Variants in IL26 observed in about 807,000 individuals in gnomAD.
IL26 encodes interleukin 26.
In IL26, 23 loss-of-function variants were observed where a neutral mutation model predicts 21.7. The ratio of observed to expected loss-of-function variants is 1.06; its 90% CI spans 0.76 to 1.50. The LOEUF (loss-of-function observed/expected upper bound fraction) is 1.50, where lower values mean the gene tolerates loss of function less well. Among genes scored for constraint, IL26 ranks in the 40% most tolerant of loss-of-function variants. IL26 has a pLI of 0.00. For synonymous variants in IL26, 63 were observed against 67.8 expected (o/e 0.93, Z 0.34); for missense variants, 204 against 196.0 (o/e 1.04, Z -0.24).
At chr12:68,202,148 A>T in intron 3 of IL26, 65 bp from the exon 4 acceptor site, 1 of 1,035,368 alleles carries the variant, frequency 9.7e-7, no homozygotes, top group East Asian at 2.6e-5. Context: ...TCTTTCATTC[A>T]TTCAACAAAT....
intron 3 of IL26, among the ~76,000 whole-genome samples, chr12:68,218,650 GA>G (rs752447449): frequency 1.3e-5 from 2 of 151,820 alleles, no homozygotes; most frequent in African/African-American, 4.8e-5. Context: ...AGGAGATACA[GA>G]AAAAAGTTTT....
intron 3 of IL26, among the ~76,000 whole-genome samples, chr12:68,219,618 A>T (rs988660793): frequency 6.6e-6 from 1 of 150,566 alleles, no homozygotes; most frequent in South Asian, 2.1e-4. Context: ...CCAAATAAAG[A>T]AAAAAAAATT....
At chr12:68,202,940 G>A (rs955617273) in intron 3 of IL26, among the ~76,000 whole-genome samples, 2 of 152,168 alleles carry the variant, frequency 1.3e-5, no homozygotes, top group Non-Finnish European at 2.9e-5. Context: ...AAGCAAGCAA[G>A]CATGGCTGGA....
At chr12:68,222,405 G>A (rs532383062) in intron 3 of IL26, among the ~76,000 whole-genome samples, 61 of 152,296 alleles carry the variant, frequency 4.0e-4, no homozygotes, top group African/African-American at 1.5e-3. Context: ...TAGGCTGTGT[G>A]CCAAAATTCT....
At chr12:68,217,288 C>T (rs771547757) in intron 3 of IL26, among the ~76,000 whole-genome samples, 1 of 151,964 alleles carries the variant, frequency 6.6e-6, no homozygotes, top group Non-Finnish European at 1.5e-5. Flanking sequence ...AAGAGTGGCT[C>T]AAGAAAACGG....
At chr12:68,205,184 T>C (rs1330504561) in intron 3 of IL26, among the ~76,000 whole-genome samples, 1 of 152,196 alleles carries the variant, frequency 6.6e-6, no homozygotes, top group Non-Finnish European at 1.5e-5. Flanking sequence ...ATACTTACTA[T>C]ATGCTAAGCA....
At chr12:68,214,044 A>G (rs956771562) in intron 3 of IL26, among the ~76,000 whole-genome samples, 2 of 152,066 alleles carry the variant, frequency 1.3e-5, no homozygotes, top group African/African-American at 4.8e-5. Context: ...AGGTTTTGGT[A>G]TATTGTGTTT....
chr12:68,201,969 C>T (rs1292303429), intron 4 of IL26, 38 bp from the exon 5 acceptor site: 33 of 1,558,842 alleles, frequency 2.1e-5, no homozygotes, highest in Non-Finnish European at 2.7e-5. Context: ...ATAAATTTTT[C>T]CTATTTTAAA....
chr12:68,202,945 G>T (rs1868428812), intron 3 of IL26, among the ~76,000 whole-genome samples: 1 of 152,162 alleles, frequency 6.6e-6, no homozygotes, highest in Admixed American at 6.5e-5. Flanking sequence ...AGCAAGCATG[G>T]CTGGAGCAAT....
At chr12:68,203,077 AAGG>A (rs1425963589) in intron 3 of IL26, among the ~76,000 whole-genome samples, 1 of 152,196 alleles carries the variant, frequency 6.6e-6, no homozygotes, top group Non-Finnish European at 1.5e-5. Flanking sequence ...TGTAGACTAC[AAGG>A]AGAAGGCACC....
At position 68,210,338 on chromosome 12, in the gene IL26, C is replaced by CAAAAAAAAAAAAAAAAA. The variant is rs540693081; in HGVS notation, c.364-8272_364-8256dup. 4.1e-4 allele frequency among the ~76,000 whole-genome samples: 9 copies of CAAAAAAAAAAAAAAAAA among 22,094 alleles called. 1 individual carries two copies. Among genetic ancestry groups the CAAAAAAAAAAAAAAAAA allele is most frequent in the Non-Finnish European group, 8.1e-4 (8 of 9,866 alleles). 14.5% of individuals were successfully genotyped at this position (22,094 alleles called of 152,430 possible). ...ACTAAATAAATAAATATCAGTTTGGCAAAAAAAAAAAAAAAAAAAAAAAAA... is the reference window on the plus strand; with the variant it reads ...ACTAAATAAATAAATATCAGTTTGGCAAAAAAAAAAAAAAAAAAAAAAAAAAAAAAAAAAAAAAAAAA... On this transcript the variant is annotated intron_variant, in intron 3 of 4. Coordinates refer to ENST00000229134, the MANE Select transcript of IL26 (RefSeq NM_018402.2).
intron 3 of IL26, among the ~76,000 whole-genome samples, chr12:68,219,120 A>T (rs1347545799): frequency 2.0e-5 from 3 of 151,940 alleles, no homozygotes; most frequent in Non-Finnish European, 4.4e-5. Context: ...CCAATAATTG[A>T]TAAAACAAGT....
At chr12:68,207,333 T>C (rs1868572340) in intron 3 of IL26, among the ~76,000 whole-genome samples, 1 of 152,222 alleles carries the variant, frequency 6.6e-6, no homozygotes, top group South Asian at 2.1e-4. Context: ...AGTGGCACTT[T>C]TTGTGGCACC....
chr12:68,223,703 C>T (rs1869129604), intron 3 of IL26, among the ~76,000 whole-genome samples: 1 of 152,058 alleles, frequency 6.6e-6, no homozygotes, highest in South Asian at 2.1e-4. Context: ...TTTCAGGCAC[C>T]AGAACTGGCC....
intron 3 of IL26, among the ~76,000 whole-genome samples, chr12:68,210,417 A>G (rs986042037): frequency 6.8e-6 from 1 of 148,034 alleles, no homozygotes. Context: ...ACACAAAACT[A>G]CTGACACCAG....
At chr12:68,213,277 G>A (rs1868786281) in intron 3 of IL26, among the ~76,000 whole-genome samples, 1 of 152,006 alleles carries the variant, frequency 6.6e-6, no homozygotes, top group African/African-American at 2.4e-5. Flanking sequence ...AATTTGGTTT[G>A]CTAATATTTT....
intron 3 of IL26, among the ~76,000 whole-genome samples, chr12:68,207,796 A>G (rs921142288): frequency 6.6e-6 from 1 of 152,216 alleles, no homozygotes; most frequent in Non-Finnish European, 1.5e-5. Context: ...GTCTGTGTGT[A>G]TAGGTTTTGA....
At chr12:68,224,406 C>T (rs988265896) in intron 3 of IL26, among the ~76,000 whole-genome samples, 3 of 151,806 alleles carry the variant, frequency 2.0e-5, no homozygotes, top group Admixed American at 6.6e-5. Context: ...ATTAATTCTC[C>T]ACTGCTTGCT....
At chr12:68,222,991 GTGCTCAGTTAATT>G (rs149541237) in intron 3 of IL26, among the ~76,000 whole-genome samples, 1,817 of 152,230 alleles carry the variant, frequency 0.012, 42 homozygotes, top group African/African-American at 0.042. Flanking sequence ...CATAGAGTAG[GTGCTCAGTTAATT>G]TGTATTAAAC....
Sources: gnomAD v4.1 joint callset for allele counts (sites outside exome capture counted in the v4.1 genomes callset) on GRCh38, gnomAD v4.1.1 for gene constraint, MANE v1.5 for transcripts, NCBI Gene and HGNC (gene_info 2026-07-23, HGNC 2026-07-21) for gene names.